Variants in ATP10B observed in about 807,000 individuals in gnomAD.
ATP10B encodes phospholipid-transporting ATPase VB.
In ATP10B, 122 loss-of-function variants were observed where a neutral mutation model predicts 141.2. The ratio of observed to expected loss-of-function variants is 0.86; its 90% confidence interval spans 0.75 to 1.00. ATP10B has a LOEUF of 1.00. Ranked by LOEUF, ATP10B falls within the 50% of genes least tolerant of loss-of-function variation. The probability of loss-of-function intolerance (pLI) is 0.00; values close to 1 mark genes in which losing one functional copy is unlikely to be tolerated. For synonymous variants in ATP10B, 685 were observed against 692.0 expected, an observed-to-expected ratio of 0.99 and a Z score of 0.16; for missense variants, 1,876 against 1,825.3, an observed-to-expected ratio of 1.03 and a Z score of -0.51.
At chr5:160,911,066 A>G in the ATP10B span, among the ~76,000 whole-genome samples, 1 of 152,236 alleles carries the variant, frequency 6.6e-6, no homozygotes, top group Non-Finnish European at 1.5e-5. Context: ...AACAAGGACA[A>G]TGCCCATTTA....
chr5:160,823,599 G>A (rs1464322220), intron 1 of ATP10B, among the ~76,000 whole-genome samples: 2 of 152,190 alleles, frequency 1.3e-5, no homozygotes, highest in African/African-American at 4.8e-5. Flanking sequence ...GCCTACGCCT[G>A]TAATCCCAAC....
chr5:160,783,950 G>T (rs1005073384), intron 2 of ATP10B, among the ~76,000 whole-genome samples: 1 of 151,996 alleles, frequency 6.6e-6, no homozygotes, highest in Non-Finnish European at 1.5e-5. Flanking sequence ...TTGCCTCTAT[G>T]CATATACACA....
intron 3 of ATP10B, among the ~76,000 whole-genome samples, chr5:160,715,383 T>C (rs1378516690): frequency 7.0e-6 from 1 of 142,172 alleles, no homozygotes; most frequent in East Asian, 2.1e-4. Flanking sequence ...ATTTTCCAGG[T>C]GCGTCCGTCA....
chr5:160,753,476 C>T (rs1282790234), intron 2 of ATP10B, among the ~76,000 whole-genome samples: 1 of 152,206 alleles, frequency 6.6e-6, no homozygotes, highest in African/African-American at 2.4e-5. Flanking sequence ...TAATTACAAT[C>T]TCACATTAGT....
At chr5:160,793,859 C>G (rs1464333296) in intron 1 of ATP10B, among the ~76,000 whole-genome samples, 3 of 152,144 alleles carry the variant, frequency 2.0e-5, no homozygotes, top group African/African-American at 7.2e-5. Flanking sequence ...TTTAGATACA[C>G]AAATACCATT....
At chr5:160,642,114 A>G (rs1759912917) in intron 9 of ATP10B, among the ~76,000 whole-genome samples, 1 of 152,182 alleles carries the variant, frequency 6.6e-6, no homozygotes, top group African/African-American at 2.4e-5. Flanking sequence ...TGGGCTCTAG[A>G]GTCGGAGCTC....
At chr5:160,888,993 A>G in the ATP10B span, among the ~76,000 whole-genome samples, 5 of 152,212 alleles carry the variant, frequency 3.3e-5, no homozygotes, top group Non-Finnish European at 7.3e-5. Flanking sequence ...ATGTCACAAT[A>G]TTAGACAAAA....
At chr5:160,583,680 T>C (rs1186735481) in intron 24 of ATP10B, among the ~76,000 whole-genome samples, 1 of 152,164 alleles carries the variant, frequency 6.6e-6, no homozygotes, top group Non-Finnish European at 1.5e-5. Flanking sequence ...GTTTTATCTA[T>C]AAGCCTCTGA....
At chr5:160,746,899 G>A (rs146626443) in intron 2 of ATP10B, among the ~76,000 whole-genome samples, 25 of 152,292 alleles carry the variant, frequency 1.6e-4, no homozygotes, top group Middle Eastern at 3.4e-3. Flanking sequence ...TGGCAAGACT[G>A]GGATTTGAAC....
At chr5:160,688,124 TA>T (rs1763878071) in intron 4 of ATP10B, 30 bp from the exon 5 acceptor site, 2 of 1,582,842 alleles carry the variant, frequency 1.3e-6, no homozygotes, top group Admixed American at 3.4e-5. Context: ...GAGCTATGTT[TA>T]GGAGAAACGT....
rs537011627 is a variant in ATP10B at position 160,846,262 on chromosome 5, G to A, written c.-576+5679C>T. Reference sequence around the variant, plus strand: ...CAAGCATGTGCTCACTAAACTTGCCGTGTTGAGCAGGCTAGGTACCAATTT... The same window carrying A: ...CAAGCATGTGCTCACTAAACTTGCCATGTTGAGCAGGCTAGGTACCAATTT... On this transcript the variant is annotated intron_variant, in intron 1 of 25. Transcript: ENST00000327245. 5.5e-4 allele frequency among the ~76,000 whole-genome samples: 83 copies of A among 152,242 alleles called. 1 individual carries two copies. Among genetic ancestry groups the A allele is most frequent in the African/African-American group, 1.6e-3 (68 of 41,540 alleles).
rs766661717 is a variant in ATP10B, at chr5:160,612,880, G to A, written c.2699C>T (p.Thr900Met). ...CCCAGCCTCCCGCAGAGTGGCAATCGTATCTGGAACTCCTTCCTGCAGCCG... is the reference window on the plus strand; with the variant it reads ...CCCAGCCTCCCGCAGAGTGGCAATCATATCTGGAACTCCTTCCTGCAGCCG... ...EDRLQEGVPD[T>M]IATLREAGIQ... Residue 900 changes from threonine to methionine, a missense_variant, in exon 18 of 26, where the codon ACG becomes ATG. Coordinates refer to ENST00000327245, the MANE Select transcript of ATP10B (RefSeq NM_025153.3). 2.3e-5 allele frequency: 37 copies of A among 1,613,766 alleles called. 1 individual carries two copies. Among genetic ancestry groups the A allele is most frequent in the South Asian group, 7.7e-5 (7 of 91,068 alleles).
chr5:160,813,958 A>G lies in ATP10B; in HGVS notation c.-575-28155T>C, dbSNP rs148484812. ...GAAGGAAAACTAACAAACAGAAAGG[A>G]CACCCACACCAAAACCCCATCTGTA... On this transcript the variant is annotated intron_variant, in intron 1 of 25. Transcript: ENST00000327245. Among the ~76,000 whole-genome samples, 41 of 152,308 alleles carry G rather than the reference A, an allele frequency of 2.7e-4. No homozygotes were observed. In the East Asian group the frequency reaches 5.8e-3, roughly 22 times the overall value.
intron 25 of ATP10B, among the ~76,000 whole-genome samples, chr5:160,566,549 G>A (rs1231489040): frequency 2.0e-5 from 3 of 152,270 alleles, no homozygotes; most frequent in South Asian, 2.1e-4. Context: ...CTCCTGAGAC[G>A]TTAACGGATC....
At position 160,620,902 on chromosome 5, in the gene ATP10B, T is replaced by A. The variant is rs750034824; in HGVS notation, c.1861A>T (p.Ile621Phe). ...TTCAACTTCTGGAAGAGCTGCTGAA[T>A]CTTCTCCAGGGACGTCCCCAGAGCC... ...SKALGTSLEK[I>F]QQLFQKLKLL... Residue 621 changes from isoleucine to phenylalanine, a missense_variant, in exon 15 of 26, where the codon ATT becomes TTT. By Grantham distance (21) the Ile-to-Phe change is conservative (BLOSUM62 0). Transcript: ENST00000327245. The A allele has an allele frequency of 1.2e-6, 2 of 1,614,190 alleles. No homozygotes were observed. Among genetic ancestry groups the A allele is most frequent in the Admixed American group, 1.7e-5 (1 of 60,032 alleles).
chr5:160,630,673 T>A (rs542934308), intron 13 of ATP10B, among the ~76,000 whole-genome samples: 17 of 152,332 alleles, frequency 1.1e-4, no homozygotes, highest in Middle Eastern at 3.4e-3. Flanking sequence ...TATACACACC[T>A]TGTTATTATC....
intron 23 of ATP10B, 118 bp downstream of exon 23, chr5:160,590,937 GCTAC>G (rs1224908009): frequency 2.7e-6 from 2 of 749,804 alleles, no homozygotes; most frequent in African/African-American, 3.5e-5. Flanking sequence ...TAACCTGCAG[GCTAC>G]CTGTTTGAGC....
chr5:160,606,697 C>T, intron 19 of ATP10B, 68 bp downstream of exon 19: 1 of 1,512,562 alleles, frequency 6.6e-7, no homozygotes, highest in Non-Finnish European at 9.0e-7. Context: ...TGACCTCCCA[C>T]CTCTGGTCCA....
chr5:160,815,010 G>A (rs1003840883), intron 1 of ATP10B, among the ~76,000 whole-genome samples: 2 of 152,246 alleles, frequency 1.3e-5, no homozygotes, highest in African/African-American at 4.8e-5. Context: ...AGGAAAAACT[G>A]GGACCAGCCA....
Sources: allele counts gnomAD v4.1 joint callset (sites outside exome capture counted in the v4.1 genomes callset), GRCh38; gene constraint gnomAD v4.1.1; transcripts MANE v1.5; gene names NCBI Gene and HGNC (gene_info 2026-07-23, HGNC 2026-07-21).